The following ACE variants were observed in gnomAD, a reference collection of about 807,000 sequenced individuals.
ACE encodes angiotensin I converting enzyme, also known as angiotensin-converting enzyme.
ACE carries 122 observed loss-of-function variants against 162.3 expected under a neutral mutation model. The observed-to-expected ratio is 0.75, with a 90% CI of 0.65 to 0.87. The LOEUF (loss-of-function observed/expected upper bound fraction) is 0.87. Ranked by LOEUF, ACE falls within the 40% of genes least tolerant of loss-of-function variation. ACE has a pLI of 0.00. For synonymous variants in ACE, 796 were observed against 720.6 expected (o/e 1.10, Z -1.68); for missense variants, 1,799 against 1,735.1 (o/e 1.04, Z -0.65).
rs1435131111 is a variant in ACE, at chr17:63,496,492, C to T, written c.3479C>T (p.Ser1160Phe). Residue 1160 changes from serine to phenylalanine, a missense_variant, in exon 23 of 25, where the codon TCC (serine) becomes TTC (phenylalanine). Transcript: ENST00000290866. ...CTGCACAAGTGTGACATCTACCAGTCCAAGGAGGCCGGGCAGCGCCTGGCG... is the reference window on the plus strand; with the variant it reads ...CTGCACAAGTGTGACATCTACCAGTTCAAGGAGGCCGGGCAGCGCCTGGCG... ...GPLHKCDIYQ[S>F]KEAGQRLATA... The T allele has an allele frequency of 1.2e-6, 2 of 1,614,132 alleles. No homozygotes were observed. The highest frequency in any genetic ancestry group is 2.2e-5 in the South Asian group (2 of 91,060).
intron 10 of ACE, 27 bp downstream of exon 10, chr17:63,483,585 C>G: frequency 1.3e-6 from 2 of 1,535,684 alleles, no homozygotes; most frequent in South Asian, 2.3e-5. Flanking sequence ...CCCACCCACC[C>G]CCAGTACTGT....
rs900950123 is a variant in ACE, at chr17:63,485,175, G to T, written c.1922-61G>T. 9.4e-5 allele frequency: 152 copies of T among 1,611,784 alleles called. 1 individual carries two copies. The highest frequency in any genetic ancestry group is 1.3e-4 in the Non-Finnish European group (150 of 1,179,126). On this transcript the variant is annotated intron_variant, in intron 12 of 24. Transcript: ENST00000290866. ...CGAGAGGGATAATGGCTTCTGGTGAGACCACAAACCTGGAGAGGGGAGGCA... is the reference window on the plus strand; with the variant it reads ...CGAGAGGGATAATGGCTTCTGGTGATACCACAAACCTGGAGAGGGGAGGCA...
Position 63,483,076 on chromosome 17 carries a change from T to G in ACE, c.1390T>G (p.Phe464Val). Residue 464 changes from phenylalanine (F) to valine (V), a missense_variant, in exon 9 of 25, where the codon TTC becomes GTC. Coordinates refer to ENST00000290866, the MANE Select transcript of ACE (RefSeq NM_000789.4). ...AAAAATGGCACTGGAAAAAATTGCC[T>G]TCCTGCCCTTTGGCTACTTGGTGGA... is the stretch of plus-strand genomic sequence containing the variant. ...LLKMALEKIA[F>V]LPFGYLVDQW... The G allele has an allele frequency of 6.2e-7, 1 of 1,614,184 alleles. No homozygotes were observed. The highest frequency in any genetic ancestry group is 8.5e-7 in the Non-Finnish European group (1 of 1,180,024).
rs1361531467 is a variant in ACE at position 63,484,290 on chromosome 17, C to T, written c.1710-40C>T. On this transcript the variant is annotated intron_variant, in intron 11 of 24. Transcript: ENST00000290866. This position sits in a 1 kb window ranked among gnomAD's most constrained non-coding sequence, Gnocchi z 4.0. ...CCGGGGTCCAGGAGCAGACTCCAGC[C>T]TGAGTCCCCTGTGCCCATGGTACCC... 6.3e-7 allele frequency: 1 copy of T among 1,587,878 alleles called. No individual in the cohort carries two copies. Among genetic ancestry groups the T allele is most frequent in the South Asian group, 1.1e-5 (1 of 88,240 alleles).
chr17:63,477,844 T>A (rs2049643967), intron 1 of ACE, 87 bp from the exon 2 acceptor site: 1 of 1,519,440 alleles, frequency 6.6e-7, no homozygotes, highest in African/African-American at 1.4e-5. Flanking sequence ...TTGGCCTTCC[T>A]CCCCTCCCCC....
At position 63,478,853 on chromosome 17, in the gene ACE, C is replaced by T. The variant is rs535083049; in HGVS notation, c.418-154C>T. On this transcript the variant is annotated intron_variant, in intron 2 of 24. Transcript: ENST00000290866. ...GGGACTCAGAAGTGATCCGGTCACA[C>T]TAAGTGACACTTAGTGATCAGAAGT... 35 of 702,084 alleles carry T rather than the reference C, an allele frequency of 5.0e-5. No individual in the cohort carries two copies. The South Asian group carries it at 5.2e-4, about 10-fold the overall frequency. The allele number at this position is 702,084 out of a possible 1,614,324, so 43.5% of individuals were successfully genotyped here.
rs1257147672 is a variant in ACE at position 63,483,158 on chromosome 17, ACT to A, written c.1473_1474del (p.Asp491GlufsTer23). 2.5e-6 allele frequency: 4 copies of A among 1,613,564 alleles called. No homozygotes were observed. The highest frequency in any genetic ancestry group is 3.4e-6 in the Non-Finnish European group (4 of 1,179,958). On this transcript the variant is annotated frameshift_variant, in exon 9 of 25. Transcript: ENST00000290866. LOFTEE classifies it high-confidence loss of function. ...ACCCCCCCTTCCCGCTACAACTTCG[ACT>A]GGTGGTATCTTCGGTGAGAGGAGGG...
chr17:63,485,645 G>A (rs923406751), intron 13 of ACE: 31 of 423,080 alleles, frequency 7.3e-5, no homozygotes, highest in African/African-American at 1.2e-4. Flanking sequence ...GTGTGGTGGC[G>A]AGCACCTGTA....
At position 63,484,812 on chromosome 17, in the gene ACE, G is replaced by T. The variant is rs1241203491; in HGVS notation, c.1921+271G>T. ...AAGGCTCTGTGAGGTCACACTGCGG[G>T]CTCCGCTCTTATTGGCCAGGGGACG... On this transcript the variant is annotated intron_variant, in intron 12 of 24. Transcript: ENST00000290866. The surrounding 1 kb of genome is among the most constrained non-coding windows in gnomAD (Gnocchi z 4.0). 1.5e-5 allele frequency: 22 copies of T among 1,513,852 alleles called. No homozygotes were observed. Among genetic ancestry groups the T allele is most frequent in the Non-Finnish European group, 1.7e-5 (19 of 1,130,720 alleles). 93.8% of individuals were successfully genotyped at this position (1,513,852 alleles called of 1,614,324 possible).
At chr17:63,486,745 G>A (rs1160482296) in intron 14 of ACE, 30 bp downstream of exon 14, 1 of 1,613,938 alleles carries the variant, frequency 6.2e-7, no homozygotes. Context: ...CAGGGAGAGG[G>A]GAATCCTGGG....
intron 22 of ACE, chr17:63,496,110 A>G (rs1014009606): frequency 2.1e-6 from 1 of 477,668 alleles, no homozygotes; most frequent in Admixed American, 3.3e-5. Context: ...AGATCTCTGA[A>G]GGCTCTGCCC....
intron 15 of ACE, among the ~76,000 whole-genome samples, chr17:63,488,182 C>T (rs1041284904): frequency 3.3e-5 from 5 of 151,980 alleles, no homozygotes; most frequent in African/African-American, 1.2e-4. Context: ...ACAGCAAGAC[C>T]CCGTCTCTAC....
chr17:63,489,649 C>T (rs2030236429), intron 17 of ACE, among the ~76,000 whole-genome samples: 2 of 152,166 alleles, frequency 1.3e-5, no homozygotes, highest in African/African-American at 4.8e-5. Flanking sequence ...ATCTCAGATG[C>T]CCTGAATGTG....
At position 63,484,079 on chromosome 17, in the gene ACE, G is replaced by C; in HGVS notation, c.1709+108G>C. On this transcript the variant is annotated intron_variant, in intron 11 of 24. Coordinates refer to ENST00000290866, the MANE Select transcript of ACE (RefSeq NM_000789.4). The surrounding 1 kb of genome is among the most constrained non-coding windows in gnomAD (Gnocchi z 4.0). The stretch of plus-strand genomic sequence containing the variant: ...GATGGGGTGGGGGGCACCAACCACA[G>C]AGCTGGACTGATGTGGATGCCTGTC... The C allele has an allele frequency of 6.7e-7, 1 of 1,493,112 alleles. No homozygotes were observed. The highest frequency in any genetic ancestry group is 1.2e-5 in the South Asian group (1 of 80,286). The allele number at this position is 1,493,112 out of a possible 1,614,324, so 92.5% of individuals were successfully genotyped here.
rs757345880 is a variant in ACE at position 63,488,942 on chromosome 17, C to T, written c.2451C>T (p.Gly817=). Residue 817 remains glycine (G), a splice_region_variant and synonymous_variant, in exon 17 of 25, where the codon GGC becomes GGT. Coordinates refer to ENST00000290866, the MANE Select transcript of ACE (RefSeq NM_000789.4). ...AGCCTGGCTGTGTCCCCTCTGTAGG[C>T]TATGTAGATGCAGGGGACTCGTGGA... ...ELINQAARLN[G]YVDAGDSWRS... is the part of the protein sequence containing the mutation. The T allele has an allele frequency of 1.2e-6, 2 of 1,614,050 alleles. No individual in the cohort carries two copies. Among genetic ancestry groups the T allele is most frequent in the East Asian group, 2.2e-5 (1 of 44,864 alleles).
rs2030865232 is a variant in ACE at position 63,497,788 on chromosome 17, C to T, written c.*422C>T. On this transcript the variant is annotated 3_prime_UTR_variant, in exon 25 of 25. Coordinates refer to ENST00000290866, the MANE Select transcript of ACE (RefSeq NM_000789.4). ...AGCACCTCCTGGCGCTGGCGCCTGT[C>T]TTCCCTCCAGCCCAGGCAGCCCGCC... 1 of 369,172 alleles carries T rather than the reference C, an allele frequency of 2.7e-6. No individual in the cohort carries two copies. The highest frequency in any genetic ancestry group is 2.2e-5 in the South Asian group (1 of 45,810). The allele number at this position is 369,172 out of a possible 1,614,324, so 22.9% of individuals were successfully genotyped here.
At position 63,496,500 on chromosome 17, in the gene ACE, G is replaced by C. The variant is rs1299150514; in HGVS notation, c.3487G>C (p.Ala1163Pro). The C allele has an allele frequency of 1.2e-6, 2 of 1,614,024 alleles. No individual in the cohort carries two copies. The highest frequency in any genetic ancestry group is 1.7e-6 in the Non-Finnish European group (2 of 1,180,056). ...HKCDIYQSKE[A>P]GQRLATAMKL... ...GTGTGACATCTACCAGTCCAAGGAG[G>C]CCGGGCAGCGCCTGGCGTGAGTGTC... The change falls in exon 23 of 25, where the codon GCC (alanine) becomes CCC (proline). Residue 1163 changes from alanine (A) to proline (P), a missense_variant. Transcript: ENST00000290866.
Position 63,486,709 on chromosome 17 carries a change from G to A in ACE, c.2211G>A (p.Leu737=). ...GGGCAGCACTGCCTGCCCAGGAGCT[G>A]GAGGAGGTGTGTGGCTCGCAAGGTA... The part of the protein sequence containing the change: ...LERAALPAQE[L]EEYNKILLDM... Residue 737 remains leucine (L), a synonymous_variant, in exon 14 of 25, where the codon CTG becomes CTA. Transcript: ENST00000290866. 4 of 1,614,188 alleles carry A rather than the reference G, an allele frequency of 2.5e-6. No homozygotes were observed. Among genetic ancestry groups the A allele is most frequent in the Non-Finnish European group, 3.4e-6 (4 of 1,180,014 alleles).
In ACE at chr17:63,477,173, G is replaced by A. The variant is rs2049629805; in HGVS notation, c.79G>A (p.Ala27Thr). The A allele has an allele frequency of 4.1e-6, 6 of 1,461,036 alleles. No homozygotes were observed. The highest frequency in any genetic ancestry group is 2.3e-5 in the Admixed American group (1 of 43,212). The allele number at this position is 1,461,036 out of a possible 1,614,324, so 90.5% of individuals were successfully genotyped here. Residue 27 changes from alanine (A) to threonine (T), a missense_variant, in exon 1 of 25, where the codon GCC (alanine) becomes ACC (threonine). Physicochemically the swap from Ala to Thr is moderately conservative, Grantham distance 58. Coordinates refer to ENST00000290866, the MANE Select transcript of ACE (RefSeq NM_000789.4). ...PLLLLLPPQP[A>T]LALDPGLQPG... is the part of the protein sequence containing the mutation. ...GCTGTTGCTGCTGCCGCCGCAGCCC[G>A]CCCTGGCGTTGGACCCCGGGCTGCA...
Sources: allele counts gnomAD v4.1 joint callset (sites outside exome capture counted in the v4.1 genomes callset), GRCh38; gene constraint gnomAD v4.1.1; non-coding constraint Gnocchi (gnomAD v3.1); transcripts MANE v1.5; gene names NCBI Gene and HGNC (gene_info 2026-07-23, HGNC 2026-07-21).